Variants in PACS1 observed in about 807,000 individuals in gnomAD.
The protein encoded by PACS1 is PACS-1.
A neutral mutation model predicts 115.0 loss-of-function variants in PACS1; 24 were observed. The observed-to-expected ratio is 0.21, with a 90% CI of 0.15 to 0.29. The LOEUF (loss-of-function observed/expected upper bound fraction) is 0.29. PACS1 is among the 10% of genes least tolerant of loss of function. The pLI is 1.00. For synonymous variants in PACS1, 453 were observed against 504.5 expected, an observed-to-expected ratio of 0.90 and a Z score of 1.37; for missense variants, 838 against 1,251.2, an observed-to-expected ratio of 0.67 and a Z score of 4.98.
intron 1 of PACS1, among the ~76,000 whole-genome samples, chr11:66,162,311 A>G (rs1472698655): frequency 6.6e-6 from 1 of 151,814 alleles, no homozygotes; most frequent in African/African-American, 2.4e-5. Flanking sequence ...TAGTAGAGAC[A>G]GGGTTTCTCC....
At position 66,104,791 on chromosome 11, in the gene PACS1, T is replaced by C. The variant is rs182625737; in HGVS notation, c.356+33949T>C. ...ATTTTATAGCCTGAGAAAGTAAGTC[T>C]AAGAATCTTTCTGCCTCTGTTTATT... is the stretch of plus-strand genomic sequence containing the variant. On this transcript the variant is annotated intron_variant, in intron 1 of 23. Transcript: ENST00000320580. Among the ~76,000 whole-genome samples the C allele has an allele frequency of 8.5e-5, 13 of 152,350 alleles. No homozygotes were observed. The East Asian group carries it at 1.3e-3, about 16-fold the overall frequency.
At chr11:66,231,014 C>T (rs1855581931) in intron 13 of PACS1, 74 bp downstream of exon 13, 12 of 1,560,670 alleles carry the variant, frequency 7.7e-6, no homozygotes, top group Non-Finnish European at 9.7e-6. Flanking sequence ...TTGTTGGCTT[C>T]CTTGGACAGT....
intron 1 of PACS1, among the ~76,000 whole-genome samples, chr11:66,075,877 G>T (rs1212378897): frequency 6.6e-6 from 1 of 151,562 alleles, no homozygotes; most frequent in Non-Finnish European, 1.5e-5. Flanking sequence ...AGCTAGGACT[G>T]CAGGTGCCCG....
At position 66,215,848 on chromosome 11, in the gene PACS1, C is replaced by T. The variant is rs1717669; in HGVS notation, c.661-271C>T. Among the ~76,000 whole-genome samples, 58,320 of 149,928 alleles carry T rather than the reference C, an allele frequency of 0.39. 12,602 individuals are homozygous for T. The highest frequency in any genetic ancestry group is 0.48 in the Non-Finnish European group (32,328 of 67,582). On this transcript the variant is annotated intron_variant, in intron 4 of 23. Coordinates refer to ENST00000320580, the MANE Select transcript of PACS1 (RefSeq NM_018026.4). ...CTGGGAGGCAGAGGTTGCAGTGAGC[C>T]GAGATCACGCCACTGCACTCCAGCC...
intron 1 of PACS1, among the ~76,000 whole-genome samples, chr11:66,103,755 C>T (rs745477532): frequency 9.9e-5 from 15 of 152,138 alleles, no homozygotes; most frequent in African/African-American, 3.6e-4. Flanking sequence ...TTCAAGTGAT[C>T]CATCCGCTTC....
chr11:66,177,929 A>G (rs1316559544), intron 1 of PACS1, among the ~76,000 whole-genome samples: 2 of 152,106 alleles, frequency 1.3e-5, no homozygotes, highest in Admixed American at 6.5e-5. Flanking sequence ...AATTAGCACA[A>G]TAGTCCATAA....
intron 1 of PACS1, among the ~76,000 whole-genome samples, chr11:66,151,723 T>C (rs1276015633): frequency 1.3e-5 from 2 of 152,174 alleles, no homozygotes; most frequent in East Asian, 3.8e-4. Flanking sequence ...AAATGGAAAG[T>C]CTAACTCATA....
chr11:66,238,657 C>T (rs1205167324), intron 19 of PACS1, 147 bp from the exon 20 acceptor site: 9 of 758,076 alleles, frequency 1.2e-5, no homozygotes, highest in Non-Finnish European at 1.6e-5. Context: ...TAAGCCACCA[C>T]GCCCAGCCCA....
Position 66,088,270 on chromosome 11 carries a change from A to G in PACS1, c.356+17428A>G, listed in dbSNP as rs564634163. Among the ~76,000 whole-genome samples, 21 of 152,174 alleles carry G rather than the reference A, an allele frequency of 1.4e-4. 1 individual carries two copies. The East Asian group carries it at 3.5e-3, about 25-fold the overall frequency. ...CAGAAATTCTTAATCTTATAATTCAATTTATCAATTTTTTCCTTTGTTTAG... is the reference window on the plus strand; with the variant it reads ...CAGAAATTCTTAATCTTATAATTCAGTTTATCAATTTTTTCCTTTGTTTAG... On this transcript the variant is annotated intron_variant, in intron 1 of 23. Transcript: ENST00000320580.
intron 19 of PACS1, chr11:66,238,135 C>A (rs1167637631): frequency 1.0e-6 from 1 of 985,212 alleles, no homozygotes; most frequent in East Asian, 1.1e-4. Flanking sequence ...TTCCAGAATT[C>A]TCTATGGAGA....
intron 1 of PACS1, among the ~76,000 whole-genome samples, chr11:66,171,215 T>C (rs1437239404): frequency 6.6e-6 from 1 of 150,482 alleles, no homozygotes; most frequent in African/African-American, 2.5e-5. Flanking sequence ...AGGTCTAGAA[T>C]TTTCTTCCTG....
intron 1 of PACS1, among the ~76,000 whole-genome samples, chr11:66,137,023 C>CT (rs746113477): frequency 9.7e-5 from 4 of 41,040 alleles, no homozygotes; most frequent in Admixed American, 3.3e-4. Context: ...TCACAAATTG[C>CT]CCCCCCCCCC....
intron 4 of PACS1, among the ~76,000 whole-genome samples, chr11:66,213,179 A>G (rs541275563): frequency 3.9e-5 from 6 of 152,344 alleles, no homozygotes; most frequent in African/African-American, 1.2e-4. Flanking sequence ...GTAGTAAGAT[A>G]GTGCTTTTCC....
Position 66,236,372 on chromosome 11 carries a change from G to A in PACS1, c.2250+432G>A, listed in dbSNP as rs112997252. Among the ~76,000 whole-genome samples, 1,298 of 152,364 alleles carry A rather than the reference G, an allele frequency of 8.5e-3. 8 individuals are homozygous for A. Among genetic ancestry groups the A allele is most frequent in the Middle Eastern group, 0.034 (10 of 294 alleles). The stretch of plus-strand genomic sequence containing the variant: ...TTCACCCGGGGAGTGATGTCCAGAC[G>A]TGGCTCACGGGAAAGGGAGCTGCTT... On this transcript the variant is annotated intron_variant, in intron 19 of 23. Coordinates refer to ENST00000320580, the MANE Select transcript of PACS1 (RefSeq NM_018026.4). This position sits in a 1 kb window ranked among gnomAD's most constrained non-coding sequence, Gnocchi z 4.2.
chr11:66,155,932 T>C (rs1565127115), intron 1 of PACS1, among the ~76,000 whole-genome samples: 2 of 151,912 alleles, frequency 1.3e-5, no homozygotes. Context: ...AAAACATGCT[T>C]TGTGAAAGAA....
intron 1 of PACS1, among the ~76,000 whole-genome samples, chr11:66,103,546 G>A (rs1250964661): frequency 7.3e-6 from 1 of 137,896 alleles, no homozygotes; most frequent in East Asian, 2.2e-4. Context: ...TTTTTGAGGC[G>A]GAATCTGGGG....
intron 4 of PACS1, among the ~76,000 whole-genome samples, chr11:66,214,278 G>A (rs1210366111): frequency 6.6e-6 from 1 of 152,128 alleles, no homozygotes; most frequent in Non-Finnish European, 1.5e-5. Flanking sequence ...GTTTGTGTCA[G>A]TGTGGAGACG....
chr11:66,221,349 A>G, intron 10 of PACS1, 102 bp downstream of exon 10: 2 of 1,043,708 alleles, frequency 1.9e-6, no homozygotes, highest in Non-Finnish European at 2.9e-6. Flanking sequence ...TTGTGACCTT[A>G]GAAAAGTGGC....
intron 1 of PACS1, among the ~76,000 whole-genome samples, chr11:66,159,723 A>G (rs1397832553): frequency 1.3e-5 from 2 of 152,214 alleles, no homozygotes; most frequent in African/African-American, 2.4e-5. Flanking sequence ...TTTCACAGAA[A>G]CAGTGGAAAA....
Sources: gnomAD v4.1 joint callset for allele counts (sites outside exome capture counted in the v4.1 genomes callset) on GRCh38, gnomAD v4.1.1 for gene constraint, Gnocchi (gnomAD v3.1) non-coding constraint, MANE v1.5 for transcripts, NCBI Gene and HGNC (gene_info 2026-07-23, HGNC 2026-07-21) for gene names.